The following CSMD1 variants were observed in gnomAD, a reference collection of about 807,000 sequenced individuals.
CSMD1 encodes the protein CUB and sushi domain-containing protein 1.
In CSMD1, 213 loss-of-function variants were observed where a neutral mutation model predicts 417.5. The observed-to-expected ratio is 0.51, with a 90% CI of 0.46 to 0.57. CSMD1 has a LOEUF of 0.57. CSMD1 is among the 20% of genes least tolerant of loss of function. CSMD1 has a pLI of 0.00. For missense variants in CSMD1, 6,923 were observed against 4,529.7 expected (o/e 1.53, Z -15.17); for synonymous variants, 2,862 against 1,736.8 (o/e 1.65, Z -16.11).
At chr8:4,924,483 G>A (rs578202929) in intron 1 of CSMD1, among the ~76,000 whole-genome samples, 2 of 152,188 alleles carry the variant, frequency 1.3e-5, no homozygotes, top group African/African-American at 2.4e-5. Flanking sequence ...AGTACTTTGA[G>A]AGGCTGGGGC....
chr8:4,395,837 G>C (rs1382221709), intron 3 of CSMD1, among the ~76,000 whole-genome samples: 1 of 152,122 alleles, frequency 6.6e-6, no homozygotes, highest in Non-Finnish European at 1.5e-5. Flanking sequence ...CATTAACTTA[G>C]AAAATGATAG....
Position 4,298,444 on chromosome 8 carries a change from C to A in CSMD1, c.415+121509G>T, listed in dbSNP as rs983343987. Among the ~76,000 whole-genome samples the A allele has an allele frequency of 8.6e-5, 13 of 152,012 alleles. 1 individual carries two copies. The highest frequency in any genetic ancestry group is 3.1e-4 in the African/African-American group (13 of 41,394). On this transcript the variant is annotated intron_variant, in intron 3 of 69. Coordinates refer to ENST00000635120, the MANE Select transcript of CSMD1 (RefSeq NM_033225.6). The stretch of plus-strand genomic sequence containing the variant: ...CTGTTATACAAAGTTGTGAATAATT[C>A]CCTATACAGGAAATTACTTAGTGAG...
intron 1 of CSMD1, among the ~76,000 whole-genome samples, chr8:4,961,323 C>T (rs1193457421): frequency 3.9e-5 from 6 of 152,108 alleles, no homozygotes; most frequent in African/African-American, 1.4e-4. Flanking sequence ...GAAGACCTCA[C>T]TCTTAGAGCC....
intron 8 of CSMD1, 22 bp from the exon 9 acceptor site, chr8:3,586,282 A>G (rs750423865): frequency 2.9e-5 from 45 of 1,549,920 alleles, no homozygotes; most frequent in Non-Finnish European, 3.7e-5. Context: ...AAAAAGAAAA[A>G]AAAAAACCCA....
intron 10 of CSMD1, among the ~76,000 whole-genome samples, chr8:3,548,978 C>T (rs905911969): frequency 6.6e-6 from 1 of 152,110 alleles, no homozygotes; most frequent in African/African-American, 2.4e-5. Flanking sequence ...CTTGCAGACA[C>T]CCCTCCCAAT....
chr8:3,383,798 T>G (rs535365684), intron 18 of CSMD1, among the ~76,000 whole-genome samples: 14 of 152,076 alleles, frequency 9.2e-5, no homozygotes, highest in Non-Finnish European at 1.3e-4. Context: ...GTCCAATAAA[T>G]ATACAAAAAT....
In CSMD1 at chr8:4,440,795, G is replaced by C. The variant is rs138516331; in HGVS notation, c.303-20730C>G. ...CAGATCACCTGAGGTCAGCAGTTCG[G>C]GACCAGCCTGGCTAACATGCTCAAA... On this transcript the variant is annotated intron_variant, in intron 2 of 69. Transcript: ENST00000635120. Among the ~76,000 whole-genome samples, 248 of 151,948 alleles carry C rather than the reference G, an allele frequency of 1.6e-3. 1 individual carries two copies. The highest frequency in any genetic ancestry group is 5.8e-3 in the African/African-American group (239 of 41,474).
chr8:4,909,410 T>C (rs1805512361), intron 1 of CSMD1, among the ~76,000 whole-genome samples: 1 of 152,120 alleles, frequency 6.6e-6, no homozygotes. Flanking sequence ...TAAGTATGAA[T>C]TTTCCACTAG....
chr8:4,445,155 G>GGCACT (rs1370272302), intron 2 of CSMD1, among the ~76,000 whole-genome samples: 5 of 152,118 alleles, frequency 3.3e-5, no homozygotes, highest in Non-Finnish European at 5.9e-5. Context: ...ATTGGGTGAT[G>GGCACT]GCACTAGAAG....
intron 3 of CSMD1, among the ~76,000 whole-genome samples, chr8:4,400,911 T>C (rs1804602425): frequency 6.6e-6 from 1 of 152,156 alleles, no homozygotes; most frequent in East Asian, 1.9e-4. Flanking sequence ...TATATTGCAA[T>C]GACTCAGTAC....
chr8:3,473,511 T>C (rs551432852), intron 11 of CSMD1, among the ~76,000 whole-genome samples: 2 of 152,324 alleles, frequency 1.3e-5, no homozygotes, highest in East Asian at 3.9e-4. Context: ...TAGAACTATT[T>C]TGGCTTGCTA....
chr8:3,250,363 C>T (rs1415328534), intron 26 of CSMD1, among the ~76,000 whole-genome samples: 1 of 152,324 alleles, frequency 6.6e-6, no homozygotes, highest in African/African-American at 2.4e-5. Context: ...CCAGCTTCAT[C>T]CCTGTCCCTA....
intron 2 of CSMD1, among the ~76,000 whole-genome samples, chr8:4,528,707 T>G (rs1307915842): frequency 6.6e-6 from 1 of 152,186 alleles, no homozygotes; most frequent in Non-Finnish European, 1.5e-5. Flanking sequence ...ATTAATTATG[T>G]ACAGCTTTTT....
At chr8:3,049,414 G>A (rs1811666294) in intron 50 of CSMD1, among the ~76,000 whole-genome samples, 1 of 152,080 alleles carries the variant, frequency 6.6e-6, no homozygotes, top group Admixed American at 6.5e-5. Context: ...AAAGAAATGA[G>A]AGCTAGAGCC....
At chr8:3,835,575 C>A (rs530454976) in intron 5 of CSMD1, among the ~76,000 whole-genome samples, 313 of 151,708 alleles carry the variant, frequency 2.1e-3, no homozygotes, top group Non-Finnish European at 2.6e-3. Context: ...TTGTGGGGAG[C>A]GGGGAGGGAT....
At chr8:3,131,552 A>G (rs1172616199) in intron 41 of CSMD1, among the ~76,000 whole-genome samples, 1 of 151,472 alleles carries the variant, frequency 6.6e-6, no homozygotes. Flanking sequence ...TCTCACTGCA[A>G]CATCCATCTC....
intron 3 of CSMD1, among the ~76,000 whole-genome samples, chr8:4,275,561 G>A (rs752384977): frequency 5.3e-5 from 8 of 152,182 alleles, no homozygotes; most frequent in Non-Finnish European, 1.0e-4. Flanking sequence ...AAACTTCTGA[G>A]TGTTCCTAAA....
Position 4,403,585 on chromosome 8 carries a change from G to A in CSMD1, c.415+16368C>T, listed in dbSNP as rs911762766. 3.9e-5 allele frequency among the ~76,000 whole-genome samples: 6 copies of A among 152,244 alleles called. No homozygotes were observed. In the South Asian group the frequency reaches 6.2e-4, roughly 16 times the overall value. ...CTGAAAGGCTTGAGTTGACTTCTAG[G>A]ACAGTACACACTCCTAAGAACTCCC... is the stretch of plus-strand genomic sequence containing the variant. On this transcript the variant is annotated intron_variant, in intron 3 of 69. Transcript: ENST00000635120.
intron 25 of CSMD1, among the ~76,000 whole-genome samples, chr8:3,296,208 C>A (rs1381105027): frequency 6.6e-6 from 1 of 151,846 alleles, no homozygotes; most frequent in Admixed American, 6.6e-5. Context: ...GCCATCTTGG[C>A]AGAGGCAGAT....
Sources: allele counts gnomAD v4.1 joint callset (sites outside exome capture counted in the v4.1 genomes callset), GRCh38; gene constraint gnomAD v4.1.1; transcripts MANE v1.5; gene names NCBI Gene and HGNC (gene_info 2026-07-23, HGNC 2026-07-21).